Variants in CNTN5 observed in about 807,000 individuals in gnomAD.
CNTN5 encodes contactin-5.
CNTN5 carries 77 observed loss-of-function variants against 129.1 expected under a neutral mutation model. The observed-to-expected ratio is 0.60, with a 90% CI of 0.50 to 0.72. The LOEUF (loss-of-function observed/expected upper bound fraction) is 0.72. Among genes scored for constraint, CNTN5 ranks in the 30% least tolerant of loss-of-function variants. The pLI, the probability that CNTN5 is intolerant of heterozygous loss-of-function variation, is 0.00. For missense variants in CNTN5, 1,478 were observed against 1,328.8 expected, an observed-to-expected ratio of 1.11 and a Z score of -1.75; for synonymous variants, 509 against 465.6, an observed-to-expected ratio of 1.09 and a Z score of -1.20.
chr11:99,063,765 A>T (rs1004106897), intron 1 of CNTN5, among the ~76,000 whole-genome samples: 1 of 152,118 alleles, frequency 6.6e-6, no homozygotes. Flanking sequence ...AAATTTTAAG[A>T]AGTTGCAAAG....
intron 13 of CNTN5, among the ~76,000 whole-genome samples, chr11:100,161,023 C>T (rs1283854617): frequency 6.6e-6 from 1 of 151,918 alleles, no homozygotes; most frequent in Admixed American, 6.6e-5. Context: ...TGTATATGTT[C>T]CAGTCATACC....
chr11:99,551,656 G>T (rs933580780), intron 2 of CNTN5, among the ~76,000 whole-genome samples: 1 of 152,076 alleles, frequency 6.6e-6, no homozygotes, highest in Non-Finnish European at 1.5e-5. Context: ...AACCTATATG[G>T]TGCAGCTTGC....
chr11:100,068,606 T>C (rs10750480), intron 10 of CNTN5, among the ~76,000 whole-genome samples: 95,668 of 152,000 alleles, frequency 0.63, 30,871 homozygotes, highest in East Asian at 0.94. Context: ...TTTGTGTATC[T>C]CATCACTCCT....
At chr11:99,494,751 G>T (rs1946162621) in intron 2 of CNTN5, among the ~76,000 whole-genome samples, 1 of 152,066 alleles carries the variant, frequency 6.6e-6, no homozygotes, top group Non-Finnish European at 1.5e-5. Flanking sequence ...CTCATTTTTA[G>T]CTCCAAGTAA....
chr11:100,252,286 T>C (rs1949978687), intron 16 of CNTN5, among the ~76,000 whole-genome samples: 1 of 152,194 alleles, frequency 6.6e-6, no homozygotes, highest in South Asian at 2.1e-4. Context: ...GTTGAAATGT[T>C]TGAGTTCCTC....
chr11:99,731,448 T>A (rs1356318753), intron 3 of CNTN5, among the ~76,000 whole-genome samples: 1 of 152,198 alleles, frequency 6.6e-6, no homozygotes, highest in Non-Finnish European at 1.5e-5. Flanking sequence ...TCAAGTGCTA[T>A]TCCTTGTTTT....
Position 99,408,448 on chromosome 11 carries a change from G to GAAAGAGAAGAAAGAAAGAAAGAA in CNTN5, c.-71+82965_-71+82966insAAGAGAAGAAAGAAAGAAAGAAA, listed in dbSNP as rs71305322. Among the ~76,000 whole-genome samples the GAAAGAGAAGAAAGAAAGAAAGAA allele has an allele frequency of 1.3e-3, 103 of 78,132 alleles. 2 individuals carry two copies. The highest frequency in any genetic ancestry group is 6.4e-3 in the Middle Eastern group (1 of 156). The allele number at this position is 78,132 out of a possible 152,430, so 51.3% of individuals were successfully genotyped here. A position where few individuals can be genotyped will look rare whatever the true frequency, so the allele number is the denominator to read the frequency against. On this transcript the variant is annotated intron_variant, in intron 2 of 24. Transcript: ENST00000524871. ...AAAGAAAAAGAAAGAAAGAAAGAAA[G>GAAAGAGAAGAAAGAAAGAAAGAA]AGAAAGAAAGAAAGAAAGAAAGAAA... is the stretch of plus-strand genomic sequence containing the variant.
chr11:99,164,744 T>TC (rs568133427), intron 1 of CNTN5, among the ~76,000 whole-genome samples: 129 of 152,346 alleles, frequency 8.5e-4, no homozygotes, highest in Admixed American at 1.9e-3. Flanking sequence ...TGTCATTTTT[T>TC]CAGACACTGA....
At chr11:99,281,873 T>C (rs1863713551) in intron 1 of CNTN5, among the ~76,000 whole-genome samples, 1 of 152,058 alleles carries the variant, frequency 6.6e-6, no homozygotes, top group African/African-American at 2.4e-5. Flanking sequence ...TTGAAGGATT[T>C]TCTTGCACTG....
At chr11:99,611,533 C>T (rs1014152933) in intron 3 of CNTN5, among the ~76,000 whole-genome samples, 1 of 152,118 alleles carries the variant, frequency 6.6e-6, no homozygotes, top group African/African-American at 2.4e-5. Context: ...TTAATAGAGT[C>T]TGTGGTTGAG....
intron 13 of CNTN5, among the ~76,000 whole-genome samples, chr11:100,074,636 G>A (rs1714704010): frequency 6.6e-6 from 1 of 152,096 alleles, no homozygotes; most frequent in Non-Finnish European, 1.5e-5. Context: ...TAAGCATTGT[G>A]TTTTAATTTG....
chr11:99,975,182 A>G (rs1274018693), intron 8 of CNTN5, among the ~76,000 whole-genome samples: 2 of 152,216 alleles, frequency 1.3e-5, no homozygotes, highest in African/African-American at 4.8e-5. Context: ...TTTTTTTACA[A>G]AAAACATAAG....
At chr11:100,040,005 C>A (rs1942276938) in intron 9 of CNTN5, among the ~76,000 whole-genome samples, 1 of 152,202 alleles carries the variant, frequency 6.6e-6, no homozygotes, top group Non-Finnish European at 1.5e-5. Context: ...TGTTCTGTTG[C>A]TGGTGAGGAG....
Position 99,878,650 on chromosome 11 carries a change from G to A in CNTN5, c.577+33388G>A, listed in dbSNP as rs549473945. ...AGGCAGGCGGATCACGAGGTCAAGAGATTGAGACCACCCTGGCCAACATGG... is the reference window on the plus strand; with the variant it reads ...AGGCAGGCGGATCACGAGGTCAAGAAATTGAGACCACCCTGGCCAACATGG... On this transcript the variant is annotated intron_variant, in intron 6 of 24. Coordinates refer to ENST00000524871, the MANE Select transcript of CNTN5 (RefSeq NM_014361.4). Among the ~76,000 whole-genome samples, 200 of 152,208 alleles carry A rather than the reference G, an allele frequency of 1.3e-3. 1 individual carries two copies. The highest frequency in any genetic ancestry group is 3.4e-3 in the Middle Eastern group (1 of 294).
At chr11:100,304,405 G>C (rs1951298682) in intron 20 of CNTN5, among the ~76,000 whole-genome samples, 1 of 151,620 alleles carries the variant, frequency 6.6e-6, no homozygotes, top group Non-Finnish European at 1.5e-5. Flanking sequence ...GTGATTTAGA[G>C]ATCAGAAGAG....
At chr11:99,150,538 A>G (rs770705132) in intron 1 of CNTN5, among the ~76,000 whole-genome samples, 1 of 152,008 alleles carries the variant, frequency 6.6e-6, no homozygotes, top group Non-Finnish European at 1.5e-5. Context: ...TAAAATTGTG[A>G]TTGAAGAAAA....
intron 2 of CNTN5, among the ~76,000 whole-genome samples, chr11:99,451,350 C>T (rs72989851): frequency 0.069 from 10,524 of 151,952 alleles, 493 homozygotes; most frequent in Non-Finnish European, 0.099. Flanking sequence ...TCACATTAGC[C>T]GATTCTAAGA....
intron 1 of CNTN5, among the ~76,000 whole-genome samples, chr11:99,303,644 C>T (rs1864742577): frequency 6.6e-6 from 1 of 151,812 alleles, no homozygotes; most frequent in Non-Finnish European, 1.5e-5. Context: ...GCTGAAAACA[C>T]CAGTGCTGTG....
At chr11:99,721,422 C>T (rs1379156766) in intron 3 of CNTN5, among the ~76,000 whole-genome samples, 1 of 152,124 alleles carries the variant, frequency 6.6e-6, no homozygotes, top group Non-Finnish European at 1.5e-5. Flanking sequence ...GGATGACTGG[C>T]TAGCCATATG....
Sources: allele counts gnomAD v4.1 joint callset (sites outside exome capture counted in the v4.1 genomes callset), GRCh38; gene constraint gnomAD v4.1.1; transcripts MANE v1.5; gene names NCBI Gene and HGNC (gene_info 2026-07-23, HGNC 2026-07-21).